Variants in CGN observed in about 807,000 individuals in gnomAD.
The protein encoded by CGN is cingulin.
Under a neutral mutation model 157.1 loss-of-function variants are expected in CGN, and 121 were observed. The ratio of observed to expected loss-of-function variants is 0.77; its 90% CI spans 0.66 to 0.90. The LOEUF is 0.90. CGN is among the 40% of genes least tolerant of loss of function. CGN has a pLI of 0.00. For synonymous variants in CGN, 535 were observed against 607.5 expected (o/e 0.88, Z 1.76); for missense variants, 1,424 against 1,520.9 (o/e 0.94, Z 1.06).
chr1:151,524,166 A>G lies in CGN; in HGVS notation c.1269-60A>G. On this transcript the variant is annotated intron_variant, in intron 6 of 20. Coordinates refer to ENST00000271636, the MANE Select transcript of CGN (RefSeq NM_020770.3). This position sits in a 1 kb window ranked among gnomAD's most constrained non-coding sequence, Gnocchi z 4.4. The stretch of plus-strand genomic sequence containing the variant: ...TGCATTAATAAATATGAATTAAAAT[A>G]TATGATGCGTTTAGAGAACTGCCTG... 1 of 1,383,390 alleles carries G rather than the reference A, an allele frequency of 7.2e-7. No homozygotes were observed. The highest frequency in any genetic ancestry group is 1.0e-6 in the Non-Finnish European group (1 of 1,002,918). The allele number at this position is 1,383,390 out of a possible 1,614,324, so 85.7% of individuals were successfully genotyped here.
At chr1:151,536,627 T>G in intron 19 of CGN, 103 bp from the exon 20 acceptor site, 1 of 1,246,400 alleles carries the variant, frequency 8.0e-7, no homozygotes, top group East Asian at 2.4e-5. Context: ...CAAGGCCACA[T>G]TTTTCCAGCG....
intron 1 of CGN, among the ~76,000 whole-genome samples, chr1:151,512,198 G>GAA (rs2102483780): frequency 6.6e-6 from 1 of 152,254 alleles, no homozygotes; most frequent in East Asian, 1.9e-4. Flanking sequence ...TTGAGAGAGA[G>GAA]AGAGAGTACT....
At chr1:151,529,869 G>C (rs368364016) in intron 11 of CGN, 40 bp from the exon 12 acceptor site, 3 of 1,580,560 alleles carry the variant, frequency 1.9e-6, no homozygotes, top group Non-Finnish European at 1.7e-6. Context: ...GAGCTGCCAC[G>C]CCCTGGGGTC....
chr1:151,518,943 G>A lies in CGN; in HGVS notation c.424G>A (p.Ala142Thr). ...LLRSHSQASLAGPGPVDPSNR... is the reference protein window; with the variant it reads ...LLRSHSQASLTGPGPVDPSNR... ...CCGTTCCCACTCCCAGGCCTCACTGGCAGGCCCTGGCCCAGTGGATCCTAG... is the reference window on the plus strand; with the variant it reads ...CCGTTCCCACTCCCAGGCCTCACTGACAGGCCCTGGCCCAGTGGATCCTAG... Residue 142 changes from alanine (A) to threonine (T), a missense_variant, in exon 2 of 21, where the codon GCA becomes ACA. Ala to Thr is a moderately conservative substitution (Grantham distance 58). Around this residue, in one of 3 missense-constraint regions of CGN, gnomAD observed 1,187 missense variants for 1,217.6 expected, o/e 0.97. Coordinates refer to ENST00000271636, the MANE Select transcript of CGN (RefSeq NM_020770.3). The A allele has an allele frequency of 6.2e-7, 1 of 1,614,170 alleles. No homozygotes were observed. The highest frequency in any genetic ancestry group is 8.5e-7 in the Non-Finnish European group (1 of 1,180,028).
Position 151,532,399 on chromosome 1 carries a change from C to A in CGN, c.2572-3C>A. 1 of 1,550,132 alleles carries A rather than the reference C, an allele frequency of 6.5e-7. No homozygotes were observed. The highest frequency in any genetic ancestry group is 1.2e-5 in the South Asian group (1 of 80,176). On this transcript the variant is annotated splice_polypyrimidine_tract_variant and splice_region_variant and intron_variant, in intron 13 of 20. Transcript: ENST00000271636. ...GCTGAAGACCCTTTTCTCTGTGTTT[C>A]AGTTGGAGAAGATCGGGGAGGACTC...
intron 11 of CGN, 52 bp from the exon 12 acceptor site, chr1:151,529,857 C>A: frequency 6.5e-7 from 1 of 1,545,596 alleles, no homozygotes; most frequent in South Asian, 1.2e-5. Flanking sequence ...GCCCTGGGGT[C>A]TGAGCTGCCA....
At position 151,524,868 on chromosome 1, in the gene CGN, C is replaced by T; in HGVS notation, c.1596C>T (p.Ser532=). 6.2e-7 allele frequency: 1 copy of T among 1,611,330 alleles called. No homozygotes were observed. The highest frequency in any genetic ancestry group is 8.5e-7 in the Non-Finnish European group (1 of 1,179,688). ...GAGACACAGAGCAGCTCCGCAGGAGCATGCAAGATGCAACCCAGGCATGTG... is the reference window on the plus strand; with the variant it reads ...GAGACACAGAGCAGCTCCGCAGGAGTATGCAAGATGCAACCCAGGCATGTG... ...YQRDTEQLRR[S]MQDATQDHAV... Residue 532 remains serine (S), a synonymous_variant, in exon 8 of 21, where the codon AGC becomes AGT. Coordinates refer to ENST00000271636, the MANE Select transcript of CGN (RefSeq NM_020770.3). This position sits in a 1 kb window ranked among gnomAD's most constrained non-coding sequence, Gnocchi z 4.4.
At chr1:151,535,728 G>T (rs780057896) in intron 17 of CGN, 45 bp downstream of exon 17, 2 of 1,607,078 alleles carry the variant, frequency 1.2e-6, no homozygotes, top group Non-Finnish European at 1.7e-6. Flanking sequence ...CCCAGGAGGT[G>T]AGTAAAATGG....
chr1:151,529,222 A>C (rs2096232), intron 10 of CGN, 128 bp from the exon 11 acceptor site: 1 of 722,250 alleles, frequency 1.4e-6, no homozygotes, highest in African/African-American at 1.8e-5. Flanking sequence ...AGAAACTGCC[A>C]AACTACTTTC....
chr1:151,527,950 A>ATATATTTTTTTTTTTTTTT (rs1162526104), intron 10 of CGN: 1 of 80,452 alleles, frequency 1.2e-5, no homozygotes, highest in Admixed American at 2.2e-4. Context: ...ATATATATAT[A>ATATATTTTTTTTTTTTTTT]TTTTTTTTTT....
chr1:151,537,418 C>A lies in CGN; in HGVS notation c.*72C>A. ...GCAAGTGCTGCTCTGCTCTGCCCAC[C>A]CTGGGTTCTGCATTCCTATGGGTGA... On this transcript the variant is annotated 3_prime_UTR_variant, in exon 21 of 21. Transcript: ENST00000271636. 7.0e-7 allele frequency: 1 copy of A among 1,431,894 alleles called. No individual in the cohort carries two copies. Among genetic ancestry groups the A allele is most frequent in the Non-Finnish European group, 9.6e-7 (1 of 1,045,876 alleles). 88.7% of individuals were successfully genotyped at this position (1,431,894 alleles called of 1,614,324 possible).
In CGN at chr1:151,524,181, A is replaced by G; in HGVS notation, c.1269-45A>G. The G allele has an allele frequency of 1.3e-6, 2 of 1,494,652 alleles. No individual in the cohort carries two copies. Among genetic ancestry groups the G allele is most frequent in the South Asian group, 1.2e-5 (1 of 84,822 alleles). 92.6% of individuals were successfully genotyped at this position (1,494,652 alleles called of 1,614,324 possible). On this transcript the variant is annotated intron_variant, in intron 6 of 20. Transcript: ENST00000271636. The surrounding 1 kb of genome is among the most constrained non-coding windows in gnomAD (Gnocchi z 4.4). ...GAATTAAAATATATGATGCGTTTAG[A>G]GAACTGCCTGACACATAGTGTGCAA...
intron 5 of CGN, among the ~76,000 whole-genome samples, chr1:151,522,379 C>T (rs886621531): frequency 6.6e-6 from 1 of 152,180 alleles, no homozygotes; most frequent in African/African-American, 2.4e-5. Flanking sequence ...AATCCCAGCC[C>T]TTTGGGAGGC....
intron 16 of CGN, 82 bp downstream of exon 16, chr1:151,535,213 T>C (rs1664942603): frequency 2.1e-6 from 2 of 941,714 alleles, no homozygotes; most frequent in South Asian, 2.8e-5. Context: ...TACCCTCCCA[T>C]CTTTCATCAT....
rs1664304957 is a variant in CGN at position 151,511,861 on chromosome 1, G to C, written c.-15+346G>C. 6.6e-6 allele frequency among the ~76,000 whole-genome samples: 1 copy of C among 152,132 alleles called. No homozygotes were observed. The highest frequency in any genetic ancestry group is 1.5e-5 in the Non-Finnish European group (1 of 68,014). Reference sequence around the variant, plus strand: ...TGGAGACAGCGGTGGCGCGGGGAAGGAGTTAGTTCCAGCTGAGTCGGGAAC... The same window carrying C: ...TGGAGACAGCGGTGGCGCGGGGAAGCAGTTAGTTCCAGCTGAGTCGGGAAC... On this transcript the variant is annotated intron_variant, in intron 1 of 20. Coordinates refer to ENST00000271636, the MANE Select transcript of CGN (RefSeq NM_020770.3). The surrounding 1 kb of genome is among the most constrained non-coding windows in gnomAD (Gnocchi z 4.8).
chr1:151,526,954 A>G, intron 9 of CGN, 21 bp from the exon 10 acceptor site: 1 of 1,613,612 alleles, frequency 6.2e-7, no homozygotes, highest in Non-Finnish European at 8.5e-7. Context: ...TTTCCCCTTT[A>G]TTTCACCTTG....
Position 151,537,446 on chromosome 1 carries a change from C to A in CGN, c.*100C>A. The A allele has an allele frequency of 9.4e-7, 1 of 1,062,804 alleles. No homozygotes were observed. Among genetic ancestry groups the A allele is most frequent in the Non-Finnish European group, 1.3e-6 (1 of 746,574 alleles). The allele number at this position is 1,062,804 out of a possible 1,614,324, so 65.8% of individuals were successfully genotyped here. A position where few individuals can be genotyped will look rare whatever the true frequency, so the allele number is the denominator to read the frequency against. On this transcript the variant is annotated 3_prime_UTR_variant, in exon 21 of 21. Transcript: ENST00000271636. ...GGGTTCTGCATTCCTATGGGTGACCCAATTATTCAGACCTAAGACAGGGAG... is the reference window on the plus strand; with the variant it reads ...GGGTTCTGCATTCCTATGGGTGACCAAATTATTCAGACCTAAGACAGGGAG...
In CGN at chr1:151,535,143, C is replaced by T; in HGVS notation, c.2994+12C>T. The T allele has an allele frequency of 6.2e-7, 1 of 1,601,764 alleles. No homozygotes were observed. The highest frequency in any genetic ancestry group is 8.6e-7 in the Non-Finnish European group (1 of 1,169,550). ...GTGGCCGGGACCAGGTAACCGCCCC[C>T]ACCCCTCATCTCTGTTTACCCCTGA... On this transcript the variant is annotated intron_variant, in intron 16 of 20. Transcript: ENST00000271636.
At position 151,519,205 on chromosome 1, in the gene CGN, G is replaced by A. The variant is rs1045284968; in HGVS notation, c.686G>A (p.Arg229His). The change falls in exon 2 of 21, where the codon CGC becomes CAC. Residue 229 changes from arginine to histidine, a missense_variant. By Grantham distance (29) the Arg-to-His change is conservative (BLOSUM62 0). Coordinates refer to ENST00000271636, the MANE Select transcript of CGN (RefSeq NM_020770.3). ...CGGGACACCTTTGAGGAACGGGAGCGCCAGTCCACCAACCACTGGACCTCT... is the reference window on the plus strand; with the variant it reads ...CGGGACACCTTTGAGGAACGGGAGCACCAGTCCACCAACCACTGGACCTCT... ...LPRDTFEERE[R>H]QSTNHWTSST... is the part of the protein sequence containing the mutation. 7.4e-6 allele frequency: 12 copies of A among 1,613,944 alleles called. No homozygotes were observed. The highest frequency in any genetic ancestry group is 4.5e-5 in the East Asian group (2 of 44,900).
Sources: allele counts gnomAD v4.1 joint callset (sites outside exome capture counted in the v4.1 genomes callset), GRCh38; gene constraint gnomAD v4.1.1; regional missense constraint gnomAD v4.1.1; non-coding constraint Gnocchi (gnomAD v3.1); transcripts MANE v1.5; gene names NCBI Gene and HGNC (gene_info 2026-07-23, HGNC 2026-07-21).